Variants in PTPRM observed in about 807,000 individuals in gnomAD.
The protein encoded by PTPRM is receptor-type tyrosine-protein phosphatase mu.
PTPRM carries 47 observed loss-of-function variants against 186.7 expected under a neutral mutation model. The ratio of observed to expected loss-of-function variants is 0.25; its 90% confidence interval spans 0.20 to 0.32. The LOEUF (loss-of-function observed/expected upper bound fraction) is 0.32, where lower values mean the gene tolerates loss of function less well. Among genes scored for constraint, PTPRM ranks in the 10% least tolerant of loss-of-function variants. PTPRM has a pLI of 1.00. For synonymous variants in PTPRM, 668 were observed against 674.9 expected, an observed-to-expected ratio of 0.99 and a Z score of 0.16; for missense variants, 1,494 against 1,865.0, an observed-to-expected ratio of 0.80 and a Z score of 3.66.
chr18:7,901,227 T>C (rs2049661513), intron 3 of PTPRM, among the ~76,000 whole-genome samples: 1 of 152,212 alleles, frequency 6.6e-6, no homozygotes, highest in Non-Finnish European at 1.5e-5. Flanking sequence ...TGAAGCCTTA[T>C]AAGGGCACTG....
chr18:8,033,771 C>A (rs2086151582), intron 7 of PTPRM, among the ~76,000 whole-genome samples: 1 of 152,250 alleles, frequency 6.6e-6, no homozygotes, highest in South Asian at 2.1e-4. Context: ...GACTGATAAC[C>A]TTTTACTAGT....
chr18:7,861,185 T>C (rs2047361109), intron 2 of PTPRM, among the ~76,000 whole-genome samples: 1 of 152,192 alleles, frequency 6.6e-6, no homozygotes, highest in Admixed American at 6.5e-5. Flanking sequence ...ATAAATGAGT[T>C]CTACATGGCT....
intron 2 of PTPRM, among the ~76,000 whole-genome samples, chr18:7,799,000 C>T (rs1231652888): frequency 1.3e-5 from 2 of 152,176 alleles, no homozygotes; most frequent in East Asian, 1.9e-4. Context: ...GACCAAGTCC[C>T]ACCTTGTCCC....
chr18:8,311,476 C>T (rs1167608459), intron 20 of PTPRM, among the ~76,000 whole-genome samples: 10 of 152,126 alleles, frequency 6.6e-5, no homozygotes, highest in Admixed American at 6.6e-4. Context: ...CAGCCTGTGC[C>T]TCTGTGCTGT....
intron 19 of PTPRM, among the ~76,000 whole-genome samples, chr18:8,271,453 G>A (rs770318555): frequency 2.6e-5 from 4 of 152,006 alleles, no homozygotes; most frequent in East Asian, 3.9e-4. Flanking sequence ...GTTCATAGGC[G>A]AGTCTAATCT....
chr18:8,283,189 G>C (rs1394620379), intron 19 of PTPRM, among the ~76,000 whole-genome samples: 2 of 152,160 alleles, frequency 1.3e-5, no homozygotes, highest in African/African-American at 4.8e-5. Flanking sequence ...CACACACACT[G>C]TACCAGCTTC....
In PTPRM at chr18:8,022,589, C is replaced by G. The variant is rs1368174485; in HGVS notation, c.1133-47097C>G. Among the ~76,000 whole-genome samples, 6 of 152,230 alleles carry G rather than the reference C, an allele frequency of 3.9e-5. No individual in the cohort carries two copies. In the East Asian group the frequency reaches 1.2e-3, roughly 29 times the overall value. ...GAAACCATAACAGGTCTCCACCCAC[C>G]GTTATTAAATCATGCATATGGTTAG... On this transcript the variant is annotated intron_variant, in intron 7 of 32. Transcript: ENST00000580170.
chr18:8,225,083 T>C (rs1341581919), intron 14 of PTPRM, among the ~76,000 whole-genome samples: 2 of 152,210 alleles, frequency 1.3e-5, no homozygotes, highest in African/African-American at 4.8e-5. Flanking sequence ...ATTAGGGATT[T>C]CAAAATGGTG....
chr18:8,072,745 A>C (rs146677029), intron 8 of PTPRM, among the ~76,000 whole-genome samples: 1 of 152,162 alleles, frequency 6.6e-6, no homozygotes, highest in Non-Finnish European at 1.5e-5. Flanking sequence ...CATTAATGTT[A>C]GTAGAATCCT....
intron 5 of PTPRM, among the ~76,000 whole-genome samples, chr18:7,939,430 T>G (rs1320513011): frequency 6.6e-6 from 1 of 152,216 alleles, no homozygotes; most frequent in Non-Finnish European, 1.5e-5. Flanking sequence ...ATATGTATCT[T>G]TTGCTGGTAA....
chr18:7,748,105 T>C (rs1385510211), intron 1 of PTPRM, among the ~76,000 whole-genome samples: 1 of 152,208 alleles, frequency 6.6e-6, no homozygotes, highest in African/African-American at 2.4e-5. Context: ...CTAGTCCCTC[T>C]TGCAGTAGGT....
At position 8,163,719 on chromosome 18, in the gene PTPRM, T is replaced by C. The variant is rs188459888; in HGVS notation, c.2300+19940T>C. On this transcript the variant is annotated intron_variant, in intron 14 of 32. Coordinates refer to ENST00000580170, the MANE Select transcript of PTPRM (RefSeq NM_001105244.2). ...TTGATTAATGAGCACCATTAACAAG[T>C]TCATAGTTTCAGTGGTCAAAATTAC... is the stretch of plus-strand genomic sequence containing the variant. 1.1e-4 allele frequency among the ~76,000 whole-genome samples: 17 copies of C among 152,332 alleles called. No homozygotes were observed. The East Asian group carries it at 2.1e-3, about 19-fold the overall frequency.
chr18:8,226,264 C>G (rs992651406), intron 14 of PTPRM, among the ~76,000 whole-genome samples: 1 of 148,294 alleles, frequency 6.7e-6, no homozygotes, highest in African/African-American at 2.5e-5. Flanking sequence ...CACCTAGCCC[C>G]CAATATCCCC....
At chr18:8,344,886 G>A (rs990940387) in intron 23 of PTPRM, among the ~76,000 whole-genome samples, 12 of 152,148 alleles carry the variant, frequency 7.9e-5, no homozygotes, top group African/African-American at 2.9e-4. Context: ...GACCCTCAGA[G>A]AAAGGGCAAA....
Position 8,076,524 on chromosome 18 carries a change from G to C in PTPRM, c.1511G>C (p.Arg504Thr). ...TFEEKIFLQW[R>T]EPTQTYGVIT... is the part of the protein sequence containing the mutation. ...GAAGAGAAGATATTTCTTCAGTGGA[G>C]AGAACCAACTCAAACATATGGTGTA... The change falls in exon 9 of 33, where the codon AGA becomes ACA. Residue 504 changes from arginine to threonine, a missense_variant. Arg to Thr is a moderately conservative substitution (Grantham distance 71). Coordinates refer to ENST00000580170, the MANE Select transcript of PTPRM (RefSeq NM_001105244.2). The C allele has an allele frequency of 8.1e-6, 13 of 1,607,040 alleles. No individual in the cohort carries two copies. Among genetic ancestry groups the C allele is most frequent in the Non-Finnish European group, 1.0e-5 (12 of 1,174,536 alleles).
chr18:7,888,465 GGTT>G (rs1431479987), intron 3 of PTPRM, 88 bp downstream of exon 3: 6 of 1,408,890 alleles, frequency 4.3e-6, no homozygotes, highest in Middle Eastern at 2.6e-4. Context: ...AATCAGAAAA[GGTT>G]GTTGTATTTT....
intron 7 of PTPRM, among the ~76,000 whole-genome samples, chr18:7,961,279 C>T (rs942257944): frequency 1.3e-5 from 2 of 152,168 alleles, no homozygotes; most frequent in African/African-American, 4.8e-5. Flanking sequence ...ACTAACTCTC[C>T]ACTCCCCTTC....
At chr18:7,637,349 T>C (rs1215476451) in intron 1 of PTPRM, among the ~76,000 whole-genome samples, 1 of 152,204 alleles carries the variant, frequency 6.6e-6, no homozygotes, top group African/African-American at 2.4e-5. Flanking sequence ...AGCATTGGGA[T>C]TCTTCATACT....
At chr18:7,944,204 C>T (rs2052371140) in intron 5 of PTPRM, among the ~76,000 whole-genome samples, 1 of 152,062 alleles carries the variant, frequency 6.6e-6, no homozygotes, top group Admixed American at 6.5e-5. Context: ...TATTGTGCAC[C>T]TGGGTACACA....
Sources: allele counts gnomAD v4.1 joint callset (sites outside exome capture counted in the v4.1 genomes callset), GRCh38; gene constraint gnomAD v4.1.1; transcripts MANE v1.5; gene names NCBI Gene and HGNC (gene_info 2026-07-23, HGNC 2026-07-21).